Variants in TNRC6C observed in about 807,000 individuals in gnomAD.
TNRC6C encodes the protein trinucleotide repeat containing adaptor 6C.
A neutral mutation model predicts 153.7 loss-of-function variants in TNRC6C; 20 were observed. The ratio of observed to expected loss-of-function variants is 0.13; its 90% CI spans 0.09 to 0.19. The LOEUF (loss-of-function observed/expected upper bound fraction) is 0.19. Among genes scored for constraint, TNRC6C ranks in the 10% least tolerant of loss-of-function variants. TNRC6C has a pLI of 1.00. For synonymous variants in TNRC6C, 811 were observed against 841.4 expected, an observed-to-expected ratio of 0.96 and a Z score of 0.63; for missense variants, 1,987 against 2,172.0, an observed-to-expected ratio of 0.91 and a Z score of 1.69.
intron 1 of TNRC6C, among the ~76,000 whole-genome samples, chr17:78,014,536 G>A (rs1050220137): frequency 1.3e-5 from 2 of 151,098 alleles, no homozygotes; most frequent in Admixed American, 1.3e-4. Flanking sequence ...AATATCCAAG[G>A]GCCAAAACAA....
At chr17:77,966,113 A>C (rs954716256) in intron 1 of TNRC6C, among the ~76,000 whole-genome samples, 1 of 152,212 alleles carries the variant, frequency 6.6e-6, no homozygotes, top group African/African-American at 2.4e-5. Flanking sequence ...CCATGTTTGG[A>C]AATATTTTGT....
At chr17:78,018,582 A>G (rs546945853) in intron 1 of TNRC6C, among the ~76,000 whole-genome samples, 2 of 152,190 alleles carry the variant, frequency 1.3e-5, no homozygotes, top group Non-Finnish European at 2.9e-5. Flanking sequence ...ATGGGAAAAC[A>G]ACGAGTTTGA....
At chr17:77,978,236 A>G (rs963288090) in intron 1 of TNRC6C, among the ~76,000 whole-genome samples, 1 of 152,202 alleles carries the variant, frequency 6.6e-6, no homozygotes, top group African/African-American at 2.4e-5. Flanking sequence ...CAAATGCAAC[A>G]GCATATTAAA....
chr17:78,072,591 A>G (rs976419039), intron 6 of TNRC6C, among the ~76,000 whole-genome samples: 3 of 152,192 alleles, frequency 2.0e-5, no homozygotes, highest in African/African-American at 7.2e-5. Context: ...GTTGTACAGA[A>G]TGATTTTAGG....
intron 17 of TNRC6C, 96 bp downstream of exon 20, chr17:78,098,633 C>G (rs2073532958): frequency 2.9e-6 from 4 of 1,385,970 alleles, no homozygotes; most frequent in Middle Eastern, 2.7e-4. Context: ...GGACCCCTGC[C>G]TGTAACTCTG....
At chr17:78,048,178 C>T (rs188701531) in intron 2 of TNRC6C, among the ~76,000 whole-genome samples, 7 of 151,416 alleles carry the variant, frequency 4.6e-5, no homozygotes, top group Non-Finnish European at 1.0e-4. Flanking sequence ...TATGAATGTG[C>T]AGGAGACAGT....
At chr17:78,067,957 G>GA in intron 5 of TNRC6C, 34 bp downstream of exon 7, 1 of 1,564,780 alleles carries the variant, frequency 6.4e-7, no homozygotes, top group Non-Finnish European at 8.6e-7. Flanking sequence ...GGTACACCCT[G>GA]AAAACCAAAG....
At chr17:78,007,506 A>G (rs2071542373) in intron 1 of TNRC6C, among the ~76,000 whole-genome samples, 1 of 152,188 alleles carries the variant, frequency 6.6e-6, no homozygotes, top group African/African-American at 2.4e-5. Context: ...TGTACCTATG[A>G]TACATGTTAT....
At chr17:78,043,996 T>G (rs1045692471) in intron 2 of TNRC6C, among the ~76,000 whole-genome samples, 5 of 152,222 alleles carry the variant, frequency 3.3e-5, no homozygotes, top group East Asian at 3.8e-4. Context: ...AAATCTTGGT[T>G]GTTGTGAGTA....
intron 3 of TNRC6C, among the ~76,000 whole-genome samples, chr17:78,058,651 A>G (rs532470300): frequency 1.3e-5 from 2 of 152,340 alleles, no homozygotes; most frequent in South Asian, 2.1e-4. Flanking sequence ...ACATATGCCA[A>G]TCAGAAAACT....
chr17:77,962,130 A>G (rs986709428), intron 1 of TNRC6C, among the ~76,000 whole-genome samples: 3 of 152,198 alleles, frequency 2.0e-5, no homozygotes, highest in African/African-American at 7.2e-5. Flanking sequence ...TTGGCCCAGG[A>G]AAGTGATGCT....
At chr17:77,965,655 T>C (rs547740146) in intron 1 of TNRC6C, among the ~76,000 whole-genome samples, 31 of 152,148 alleles carry the variant, frequency 2.0e-4, no homozygotes, top group African/African-American at 7.2e-4. Context: ...CTTACTAGTA[T>C]AGTGAGAGAA....
intron 9 of TNRC6C, among the ~76,000 whole-genome samples, chr17:78,078,439 A>G (rs1215419132): frequency 6.6e-6 from 1 of 152,260 alleles, no homozygotes; most frequent in Admixed American, 6.5e-5. Flanking sequence ...TTGTCAGTTC[A>G]TTCCATTTCA....
At chr17:78,091,938 G>A (rs541786770) in intron 14 of TNRC6C, among the ~76,000 whole-genome samples, 115 of 152,116 alleles carry the variant, frequency 7.6e-4, no homozygotes, top group African/African-American at 2.7e-3. Context: ...TCAATAAAAT[G>A]GTAAAACATA....
chr17:78,001,815 G>A (rs1183847046), upstream of TNRC6C, among the ~76,000 whole-genome samples: 1 of 151,774 alleles, frequency 6.6e-6, no homozygotes, highest in African/African-American at 2.4e-5. Context: ...ATATGGAAGG[G>A]GGAGAAAGTA....
chr17:78,016,773 C>T (rs4789523), intron 1 of TNRC6C, among the ~76,000 whole-genome samples: 45,269 of 152,004 alleles, frequency 0.3, 6,927 homozygotes, highest in East Asian at 0.41. Context: ...ATACTATAAA[C>T]GCTTACTGTG....
At position 78,091,556 on chromosome 17, in the gene TNRC6C, G is replaced by A. The variant is rs3764378; in HGVS notation, c.3919G>A (p.Asp1307Asn). 6 of 1,601,428 alleles carry A rather than the reference G, an allele frequency of 3.7e-6. No individual in the cohort carries two copies. In the East Asian group the frequency reaches 1.4e-4, roughly 37 times the overall value. Residue 1307 changes from aspartate (D) to asparagine (N), a missense_variant, in exon 14 of 20, where the codon GAT (aspartate) becomes AAT (asparagine). By Grantham distance (23) the Asp-to-Asn change is conservative. Transcript: ENST00000301624. ...CCAGTGGACGCACCCCAACTCCATGGATAACTTGCCCAGTGCCGCTTCCCC... is the reference window on the plus strand; with the variant it reads ...CCAGTGGACGCACCCCAACTCCATGAATAACTTGCCCAGTGCCGCTTCCCC...
intron 2 of TNRC6C, among the ~76,000 whole-genome samples, chr17:78,041,695 G>A (rs2072299133): frequency 6.6e-6 from 1 of 152,164 alleles, no homozygotes; most frequent in African/African-American, 2.4e-5. Context: ...AGAGGGGGAG[G>A]CATCTTTGGT....
chr17:77,965,333 C>T (rs2070888966), intron 1 of TNRC6C, among the ~76,000 whole-genome samples: 1 of 152,200 alleles, frequency 6.6e-6, no homozygotes, highest in African/African-American at 2.4e-5. Context: ...TAACTGACTG[C>T]CTTCTGAGCA....
Sources: gnomAD v4.1 joint callset for allele counts (sites outside exome capture counted in the v4.1 genomes callset) on GRCh38, gnomAD v4.1.1 for gene constraint, MANE v1.5 for transcripts, NCBI Gene and HGNC (gene_info 2026-07-23, HGNC 2026-07-21) for gene names.